DIP2C: variants seen among roughly 807,000 people sequenced by gnomAD.
The protein encoded by DIP2C is DIP2 acetate--CoA ligase C (putative).
DIP2C carries 33 observed loss-of-function variants against 192.4 expected under a neutral mutation model. That is an observed-to-expected ratio of 0.17 (90% confidence interval 0.13 to 0.23). The LOEUF (loss-of-function observed/expected upper bound fraction) is 0.23. DIP2C is among the 10% of genes least tolerant of loss of function. The probability of loss-of-function intolerance (pLI) is 1.00; values close to 1 mark genes in which losing one functional copy is unlikely to be tolerated. For synonymous variants in DIP2C, 979 were observed against 864.1 expected, an observed-to-expected ratio of 1.13 and a Z score of -2.33; for missense variants, 1,537 against 2,110.1, an observed-to-expected ratio of 0.73 and a Z score of 5.32.
intron 1 of DIP2C, among the ~76,000 whole-genome samples, chr10:558,154 G>T (rs995752086): frequency 6.6e-6 from 1 of 152,174 alleles, no homozygotes; most frequent in Non-Finnish European, 1.5e-5. Flanking sequence ...CAGCCACGCT[G>T]TTCCCCAAAT....
chr10:563,402 T>C (rs988968126), intron 1 of DIP2C, among the ~76,000 whole-genome samples: 1 of 152,218 alleles, frequency 6.6e-6, no homozygotes, highest in Non-Finnish European at 1.5e-5. Context: ...TTCCACCCCC[T>C]TCCTTAAAAT....
At position 323,956 on chromosome 10, in the gene DIP2C, C is replaced by G. The variant is rs1029015390; in HGVS notation, c.3924+3050G>C. ...TCAGGTTTTTTTAATTTTGCAGATTCTAGAAAATGAGTGTTTCCAAAGACC... is the reference window on the plus strand; with the variant it reads ...TCAGGTTTTTTTAATTTTGCAGATTGTAGAAAATGAGTGTTTCCAAAGACC... On this transcript the variant is annotated intron_variant, in intron 31 of 36. Coordinates refer to ENST00000280886, the MANE Select transcript of DIP2C (RefSeq NM_014974.3). Among the ~76,000 whole-genome samples, 4 of 152,068 alleles carry G rather than the reference C, an allele frequency of 2.6e-5. No individual in the cohort carries two copies. The South Asian group carries it at 8.3e-4, about 32-fold the overall frequency.
At chr10:588,653 G>A (rs893468531) in intron 1 of DIP2C, among the ~76,000 whole-genome samples, 48 of 152,236 alleles carry the variant, frequency 3.2e-4, no homozygotes, top group African/African-American at 1.2e-3. Context: ...CCAGGGCCAA[G>A]AGGGGCTGCT....
At chr10:392,813 A>AGC (rs199656856) in intron 10 of DIP2C, among the ~76,000 whole-genome samples, 2 of 144,950 alleles carry the variant, frequency 1.4e-5, no homozygotes, top group African/African-American at 5.6e-5. Context: ...GCGCACACTC[A>AGC]GCGCACACAC....
At chr10:331,088 T>G (rs995418246) in intron 29 of DIP2C, among the ~76,000 whole-genome samples, 2 of 151,774 alleles carry the variant, frequency 1.3e-5, no homozygotes, top group African/African-American at 4.8e-5. Flanking sequence ...AGTGCTAGGA[T>G]TATAGGCATG....
At chr10:300,326 T>C (rs1002586638) in intron 32 of DIP2C, among the ~76,000 whole-genome samples, 2 of 152,184 alleles carry the variant, frequency 1.3e-5, no homozygotes, top group Non-Finnish European at 2.9e-5. Flanking sequence ...AAGGAAGATT[T>C]TGACACAATG....
chr10:558,993 A>AG (rs1164346723), intron 1 of DIP2C, among the ~76,000 whole-genome samples: 2 of 142,888 alleles, frequency 1.4e-5, no homozygotes, highest in African/African-American at 5.1e-5. Context: ...CAGGTGAGTT[A>AG]GGTCGTGGGG....
chr10:558,614 C>G (rs367851307), intron 1 of DIP2C, among the ~76,000 whole-genome samples: 1 of 152,272 alleles, frequency 6.6e-6, no homozygotes, highest in Admixed American at 6.5e-5. Flanking sequence ...CGGGGAAAGG[C>G]AGCTTCTCCT....
chr10:422,763 A>C, intron 5 of DIP2C, 61 bp downstream of exon 5: 1 of 1,537,820 alleles, frequency 6.5e-7, no homozygotes, highest in East Asian at 2.3e-5. Flanking sequence ...CAAACAGAGA[A>C]TGTGCACACA....
intron 1 of DIP2C, among the ~76,000 whole-genome samples, chr10:687,844 G>A (rs1831390198): frequency 6.6e-6 from 1 of 152,228 alleles, no homozygotes; most frequent in African/African-American, 2.4e-5. Flanking sequence ...CTAGCAGTGG[G>A]TGGGGGAACC....
chr10:600,130 T>C (rs888016244), intron 1 of DIP2C, among the ~76,000 whole-genome samples: 2 of 152,138 alleles, frequency 1.3e-5, no homozygotes, highest in South Asian at 2.1e-4. Flanking sequence ...AGAGACCCTG[T>C]AGTACAAGGC....
At chr10:385,090 G>A (rs1962773502) in intron 14 of DIP2C, among the ~76,000 whole-genome samples, 1 of 151,828 alleles carries the variant, frequency 6.6e-6, no homozygotes, top group Non-Finnish European at 1.5e-5. Flanking sequence ...CGGACACCAG[G>A]CTGCACGGGC....
chr10:396,202 C>G (rs1260432224), intron 10 of DIP2C, among the ~76,000 whole-genome samples: 1 of 152,210 alleles, frequency 6.6e-6, no homozygotes, highest in Non-Finnish European at 1.5e-5. Flanking sequence ...TTCATTATTT[C>G]AAAGCATCTT....
At chr10:670,935 C>A (rs1830604535) in intron 1 of DIP2C, among the ~76,000 whole-genome samples, 1 of 152,230 alleles carries the variant, frequency 6.6e-6, no homozygotes, top group African/African-American at 2.4e-5. Flanking sequence ...TGACCACACA[C>A]ACCTGAAACC....
chr10:364,122 A>G (rs1458820105), intron 20 of DIP2C, among the ~76,000 whole-genome samples: 1 of 152,246 alleles, frequency 6.6e-6, no homozygotes, highest in South Asian at 2.1e-4. Flanking sequence ...TTTCTAATGC[A>G]TATTTCTATT....
chr10:363,133 G>C lies in DIP2C; in HGVS notation c.2592+64C>G. Reference sequence around the variant, plus strand: ...GCAACAGCTGGTCACACCATGATCTGAATGAAGTAAGGAGGCCAGAAACAA... The same window carrying C: ...GCAACAGCTGGTCACACCATGATCTCAATGAAGTAAGGAGGCCAGAAACAA... On this transcript the variant is annotated intron_variant, in intron 21 of 36. Coordinates refer to ENST00000280886, the MANE Select transcript of DIP2C (RefSeq NM_014974.3). This position sits in a 1 kb window ranked among gnomAD's most constrained non-coding sequence, Gnocchi z 5.4. The C allele has an allele frequency of 6.9e-7, 1 of 1,446,690 alleles. No homozygotes were observed. The highest frequency in any genetic ancestry group is 1.2e-5 in the South Asian group (1 of 83,908). The allele number at this position is 1,446,690 out of a possible 1,614,324, so 89.6% of individuals were successfully genotyped here.
At chr10:662,677 A>G in intron 1 of DIP2C, 1 of 560,586 alleles carries the variant, frequency 1.8e-6, no homozygotes, top group Non-Finnish European at 3.2e-6. Flanking sequence ...TCTTTTTAAA[A>G]TTGTTATCAA....
At position 321,541 on chromosome 10, in the gene DIP2C, G is replaced by GTGAGAGA. The variant is rs1564551239; in HGVS notation, c.3924+5464_3924+5465insTCTCTCA. On this transcript the variant is annotated intron_variant, in intron 31 of 36. Coordinates refer to ENST00000280886, the MANE Select transcript of DIP2C (RefSeq NM_014974.3). Reference sequence around the variant, plus strand: ...TCAGGGAAGGCCTGCGGGGGCTCCAGCGAGAGACCGGCGCTGTTAGAACAG... The same window carrying GTGAGAGA: ...TCAGGGAAGGCCTGCGGGGGCTCCAGTGAGAGACGAGAGACCGGCGCTGTTAGAACAG... Among the ~76,000 whole-genome samples, 105 of 115,586 alleles carry GTGAGAGA rather than the reference G, an allele frequency of 9.1e-4. 4 individuals are homozygous for GTGAGAGA. Among genetic ancestry groups the GTGAGAGA allele is most frequent in the African/African-American group, 1.1e-3 (35 of 32,722 alleles). The allele number at this position is 115,586 out of a possible 152,430, so 75.8% of individuals were successfully genotyped here.
chr10:281,459 C>T (rs535533560), intron 35 of DIP2C, 136 bp from the exon 36 acceptor site: 6 of 1,282,518 alleles, frequency 4.7e-6, no homozygotes, highest in Middle Eastern at 2.8e-4. Flanking sequence ...GATCCAGGGA[C>T]GTTTGTTTCC....
Sources: allele counts gnomAD v4.1 joint callset (sites outside exome capture counted in the v4.1 genomes callset), GRCh38; gene constraint gnomAD v4.1.1; non-coding constraint Gnocchi (gnomAD v3.1); transcripts MANE v1.5; gene names NCBI Gene and HGNC (gene_info 2026-07-23, HGNC 2026-07-21).